The following PCCA variants were observed in gnomAD, a reference collection of about 807,000 sequenced individuals.
PCCA encodes the protein propionyl-CoA carboxylase subunit alpha.
PCCA carries 74 observed loss-of-function variants against 101.3 expected under a neutral mutation model. The ratio of observed to expected loss-of-function variants is 0.73; its 90% CI spans 0.61 to 0.89. PCCA has a LOEUF of 0.89. PCCA is among the 40% of genes least tolerant of loss of function. The pLI is 0.00. For missense variants in PCCA, 891 were observed against 907.0 expected, an observed-to-expected ratio of 0.98 and a Z score of 0.23; for synonymous variants, 294 against 313.6, an observed-to-expected ratio of 0.94 and a Z score of 0.66.
At chr13:100,334,115 A>G (rs2070058360) in intron 17 of PCCA, among the ~76,000 whole-genome samples, 2 of 152,112 alleles carry the variant, frequency 1.3e-5, no homozygotes. Flanking sequence ...ACAACAACAA[A>G]ACACCGGAAA....
chr13:100,328,689 ATTTTT>A (rs757599001), intron 16 of PCCA, among the ~76,000 whole-genome samples: 4 of 98,202 alleles, frequency 4.1e-5, no homozygotes, highest in Non-Finnish European at 6.1e-5. Context: ...GTTGAGGTTA[ATTTTT>A]TTTTTTTTTT....
intron 22 of PCCA, among the ~76,000 whole-genome samples, chr13:100,520,532 G>A (rs1040235875): frequency 1.3e-5 from 2 of 151,536 alleles, no homozygotes; most frequent in Non-Finnish European, 2.9e-5. Context: ...CTACTCGGGA[G>A]GCTGAGGCAG....
intron 19 of PCCA, among the ~76,000 whole-genome samples, chr13:100,401,067 G>C (rs2077335245): frequency 6.6e-6 from 1 of 152,130 alleles, no homozygotes; most frequent in African/African-American, 2.4e-5. Context: ...GAGAAACCAA[G>C]ATCATATTTC....
At chr13:100,176,821 T>A (rs1287136791) in intron 6 of PCCA, among the ~76,000 whole-genome samples, 1 of 152,208 alleles carries the variant, frequency 6.6e-6, no homozygotes, top group African/African-American at 2.4e-5. Flanking sequence ...TGTTTATGTG[T>A]ATGAGGATAA....
At chr13:100,122,986 G>A (rs1594215430) in intron 4 of PCCA, among the ~76,000 whole-genome samples, 1 of 152,308 alleles carries the variant, frequency 6.6e-6, no homozygotes, top group South Asian at 2.1e-4. Context: ...TTAGTCAAGA[G>A]CTATAAATTG....
chr13:100,299,750 C>T (rs1170779557), intron 12 of PCCA, among the ~76,000 whole-genome samples: 3 of 152,082 alleles, frequency 2.0e-5, no homozygotes, highest in Admixed American at 6.5e-5. Context: ...GAATATCGCT[C>T]TGTTGCCCAG....
intron 8 of PCCA, among the ~76,000 whole-genome samples, chr13:100,251,438 A>G (rs972858213): frequency 1.3e-5 from 2 of 152,188 alleles, no homozygotes; most frequent in Non-Finnish European, 2.9e-5. Context: ...TAACTAATAG[A>G]TTTACTTAGT....
At position 100,323,038 on chromosome 13, in the gene PCCA, A is replaced by G. The variant is rs190155924; in HGVS notation, c.1430-7523A>G. On this transcript the variant is annotated intron_variant, in intron 16 of 23. Transcript: ENST00000376285. Reference sequence around the variant, plus strand: ...TAGTGTAGAATACATGTTGATGCATATAGATAGGTTTGCTCAGATTAAAGG... The same window carrying G: ...TAGTGTAGAATACATGTTGATGCATGTAGATAGGTTTGCTCAGATTAAAGG... Among the ~76,000 whole-genome samples the G allele has an allele frequency of 2.2e-3, 329 of 152,358 alleles. 3 individuals are homozygous for G. The highest frequency in any genetic ancestry group is 7.6e-3 in the African/African-American group (318 of 41,598).
At chr13:100,274,037 GC>G (rs2063481666) in intron 12 of PCCA, among the ~76,000 whole-genome samples, 2 of 151,968 alleles carry the variant, frequency 1.3e-5, no homozygotes, top group Admixed American at 6.6e-5. Flanking sequence ...CATCAACTGG[GC>G]CTAGAAGTAT....
At chr13:100,482,796 G>A (rs926838668) in intron 21 of PCCA, among the ~76,000 whole-genome samples, 4 of 152,124 alleles carry the variant, frequency 2.6e-5, no homozygotes, top group Admixed American at 6.5e-5. Flanking sequence ...CGGGGCGGGC[G>A]GATCATTTGA....
Position 100,321,757 on chromosome 13 carries a change from G to C in PCCA, c.1430-8804G>C, listed in dbSNP as rs563991051. 2.6e-5 allele frequency among the ~76,000 whole-genome samples: 4 copies of C among 152,142 alleles called. No homozygotes were observed. The East Asian group carries it at 7.7e-4, about 29-fold the overall frequency. ...AAAGGAATAGCATTAATTTGAATTT[G>C]TGAATGTTTTCTAAACGTCTTGAGG... On this transcript the variant is annotated intron_variant, in intron 16 of 23. Coordinates refer to ENST00000376285, the MANE Select transcript of PCCA (RefSeq NM_000282.4).
At chr13:100,379,281 G>T (rs2152826358) in intron 19 of PCCA, among the ~76,000 whole-genome samples, 1 of 152,188 alleles carries the variant, frequency 6.6e-6, no homozygotes, top group Non-Finnish European at 1.5e-5. Flanking sequence ...GTTTTCTGGG[G>T]ACAAGGATGC....
intron 1 of PCCA, 113 bp downstream of exon 1, chr13:100,089,338 C>G (rs1368323340): frequency 1.1e-5 from 14 of 1,290,634 alleles, no homozygotes; most frequent in Admixed American, 4.0e-5. Flanking sequence ...CCCCGCGCCC[C>G]GGTTCCGCAT....
intron 10 of PCCA, among the ~76,000 whole-genome samples, chr13:100,263,227 C>T (rs1320350492): frequency 6.6e-6 from 1 of 152,100 alleles, no homozygotes. Context: ...AGATATTCAT[C>T]CTTAAAGTGG....
rs1239169539 is a variant in PCCA at position 100,530,242 on chromosome 13, G to A, written c.*76G>A. ...ATGCTTTCACACACAATTGATTCAA[G>A]CATTATACAGGAACACCCCTGTGCA... On this transcript the variant is annotated 3_prime_UTR_variant, in exon 24 of 24. Transcript: ENST00000376285. The A allele has an allele frequency of 3.4e-6, 4 of 1,169,976 alleles. No individual in the cohort carries two copies. The highest frequency in any genetic ancestry group is 5.1e-6 in the Non-Finnish European group (4 of 779,942). 72.5% of individuals were successfully genotyped at this position (1,169,976 alleles called of 1,614,324 possible). A position where few individuals can be genotyped will look rare whatever the true frequency, so the allele number is the denominator to read the frequency against.
chr13:100,320,693 T>G (rs1211545622), intron 16 of PCCA, among the ~76,000 whole-genome samples: 1 of 152,184 alleles, frequency 6.6e-6, no homozygotes, highest in Non-Finnish European at 1.5e-5. Flanking sequence ...TCATGGTGGA[T>G]AAGCTTTTTG....
chr13:100,339,062 T>C (rs552223087), intron 17 of PCCA, among the ~76,000 whole-genome samples: 1 of 152,208 alleles, frequency 6.6e-6, no homozygotes, highest in South Asian at 2.1e-4. Context: ...GGTACAAAAA[T>C]CCACAGAAGC....
chr13:100,450,494 A>G (rs2152926798), intron 21 of PCCA, among the ~76,000 whole-genome samples: 1 of 152,176 alleles, frequency 6.6e-6, no homozygotes, highest in East Asian at 1.9e-4. Flanking sequence ...ATCATTTCTA[A>G]TCTGTGAAAT....
intron 21 of PCCA, among the ~76,000 whole-genome samples, chr13:100,451,736 C>CTT (rs1308256958): frequency 1.7e-5 from 2 of 119,072 alleles, no homozygotes; most frequent in Non-Finnish European, 3.5e-5. Context: ...CTCTCTCTCT[C>CTT]TCTTCTCTCC....
Sources: allele counts gnomAD v4.1 joint callset (sites outside exome capture counted in the v4.1 genomes callset), GRCh38; gene constraint gnomAD v4.1.1; transcripts MANE v1.5; gene names NCBI Gene and HGNC (gene_info 2026-07-23, HGNC 2026-07-21).